Variants in AKAP6 observed in about 807,000 individuals in gnomAD.
AKAP6 encodes A-kinase anchoring protein 6.
In AKAP6, 58 loss-of-function variants were observed where a neutral mutation model predicts 188.5. The observed-to-expected ratio is 0.31, with a 90% CI of 0.25 to 0.38. The LOEUF (loss-of-function observed/expected upper bound fraction) is 0.38. AKAP6 is among the 10% of genes least tolerant of loss of function. The pLI, the probability that AKAP6 is intolerant of heterozygous loss-of-function variation, is 1.00. For missense variants in AKAP6, 2,710 were observed against 2,740.0 expected (o/e 0.99, Z 0.24); for synonymous variants, 989 against 998.6 (o/e 0.99, Z 0.18).
intron 1 of AKAP6, among the ~76,000 whole-genome samples, chr14:32,426,364 G>T (rs539780648): frequency 2.3e-4 from 35 of 151,932 alleles, no homozygotes; most frequent in Non-Finnish European, 4.7e-4. Context: ...TTTCCTTGAG[G>T]GTGAATATGA....
rs1032583521 is a variant in AKAP6 at position 32,545,403 on chromosome 14, C to G, written c.750C>G (p.Thr250=). ...LGDMTSSQVK[T]KPFDSWSYSE... ...ACATGACCTCTAGCCAAGTCAAAAC[C>G]AAACCCTTTGACTCTTGGAGCTACA... Residue 250 remains threonine (T), a synonymous_variant, in exon 4 of 14, where the codon ACC becomes ACG. Coordinates refer to ENST00000280979, the MANE Select transcript of AKAP6 (RefSeq NM_004274.5). 6.2e-7 allele frequency: 1 copy of G among 1,614,162 alleles called. No homozygotes were observed. The highest frequency in any genetic ancestry group is 8.5e-7 in the Non-Finnish European group (1 of 1,180,014).
intron 12 of AKAP6, among the ~76,000 whole-genome samples, chr14:32,815,318 C>T (rs1036368651): frequency 7.2e-5 from 11 of 152,094 alleles, no homozygotes; most frequent in Admixed American, 5.2e-4. Context: ...ACTTTCAAAG[C>T]GTTTTCTGAA....
At chr14:32,431,961 C>A (rs1381855580) in intron 1 of AKAP6, among the ~76,000 whole-genome samples, 1 of 152,070 alleles carries the variant, frequency 6.6e-6, no homozygotes, top group Non-Finnish European at 1.5e-5. Context: ...TTTTTTATTT[C>A]CACTCCTCAT....
chr14:32,489,190 A>C lies in AKAP6; in HGVS notation c.325-46364A>C, dbSNP rs114213678. ...TCTTCCTTTATTCCCAACAATATGT[A>C]TTCCCTTTTTCATGATTGATTGACT... On this transcript the variant is annotated intron_variant, in intron 2 of 13. Transcript: ENST00000280979. Among the ~76,000 whole-genome samples the C allele has an allele frequency of 3.7e-3, 570 of 152,258 alleles. 4 individuals are homozygous for C. Among genetic ancestry groups the C allele is most frequent in the African/African-American group, 0.013 (527 of 41,550 alleles).
rs2034577702 is a variant in AKAP6 at position 32,823,148 on chromosome 14, A to G, written c.5335A>G (p.Ile1779Val). The change falls in exon 13 of 14, where the codon ATT (isoleucine) becomes GTT (valine). Residue 1779 changes from isoleucine to valine, a missense_variant. Ile to Val is a conservative substitution (Grantham distance 29, BLOSUM62 3). This residue lies in a region of AKAP6 where 2,473 missense variants were observed against 2,426.1 expected (regional missense o/e 1.02). Coordinates refer to ENST00000280979, the MANE Select transcript of AKAP6 (RefSeq NM_004274.5). ...CAAAGATGAGGATGACGACTCCAGT[A>G]TTGCAACAGATGATGAAATTTATGA... Reference protein sequence around the residue: ...CIKDEDDDSSIATDDEIYEDC... With the variant: ...CIKDEDDDSSVATDDEIYEDC... 5.0e-6 allele frequency: 8 copies of G among 1,613,814 alleles called. No individual in the cohort carries two copies. Among genetic ancestry groups the G allele is most frequent in the Non-Finnish European group, 5.1e-6 (6 of 1,179,874 alleles).
intron 9 of AKAP6, among the ~76,000 whole-genome samples, chr14:32,701,586 T>C (rs765931618): frequency 1.1e-4 from 17 of 152,088 alleles, no homozygotes; most frequent in South Asian, 2.1e-4. Context: ...TTCTGAGGAA[T>C]AGGAAATATA....
intron 9 of AKAP6, among the ~76,000 whole-genome samples, chr14:32,725,480 T>C (rs2030825138): frequency 6.6e-6 from 1 of 152,214 alleles, no homozygotes; most frequent in Non-Finnish European, 1.5e-5. Context: ...ACTATCCTCC[T>C]TCATGTTGAG....
intron 2 of AKAP6, among the ~76,000 whole-genome samples, chr14:32,529,346 A>C (rs1217111184): frequency 6.6e-6 from 1 of 152,166 alleles, no homozygotes; most frequent in Non-Finnish European, 1.5e-5. Flanking sequence ...ATGATTGCTT[A>C]TTAGTCCCAG....
intron 3 of AKAP6, among the ~76,000 whole-genome samples, chr14:32,542,135 A>G (rs534081549): frequency 6.6e-6 from 1 of 152,242 alleles, no homozygotes; most frequent in South Asian, 2.1e-4. Flanking sequence ...TTTCCTTTTT[A>G]TAGATGAAGG....
intron 2 of AKAP6, among the ~76,000 whole-genome samples, chr14:32,441,455 C>G (rs1378654074): frequency 6.6e-6 from 1 of 151,970 alleles, no homozygotes. Flanking sequence ...GAATAATTAT[C>G]TCTCTCTCTC....
At chr14:32,616,172 A>G (rs1344302572) in intron 7 of AKAP6, among the ~76,000 whole-genome samples, 1 of 152,202 alleles carries the variant, frequency 6.6e-6, no homozygotes, top group Non-Finnish European at 1.5e-5. Context: ...AATTAGCTTG[A>G]TCATTGTGGA....
chr14:32,462,819 T>C (rs2138827503), intron 2 of AKAP6, among the ~76,000 whole-genome samples: 1 of 141,222 alleles, frequency 7.1e-6, no homozygotes, highest in Admixed American at 7.8e-5. Flanking sequence ...TGTGCTGCAT[T>C]CAAGAGACCC....
intron 2 of AKAP6, among the ~76,000 whole-genome samples, chr14:32,477,468 G>T (rs1282132683): frequency 6.6e-6 from 1 of 152,128 alleles, no homozygotes; most frequent in Non-Finnish European, 1.5e-5. Context: ...AGAAGCAACT[G>T]AAGAGGAAAG....
intron 2 of AKAP6, among the ~76,000 whole-genome samples, chr14:32,443,409 A>AC (rs1555328987): frequency 1.3e-5 from 2 of 149,726 alleles, no homozygotes; most frequent in African/African-American, 5.0e-5. Context: ...AAACAAAACA[A>AC]AAAAAAAACA....
chr14:32,708,702 T>G (rs1890915327), intron 9 of AKAP6, among the ~76,000 whole-genome samples: 1 of 152,046 alleles, frequency 6.6e-6, no homozygotes, highest in Admixed American at 6.6e-5. Context: ...TGTTACAAGA[T>G]GCATCATTTC....
chr14:32,476,974 C>G (rs1253698342), intron 2 of AKAP6, among the ~76,000 whole-genome samples: 1 of 152,140 alleles, frequency 6.6e-6, no homozygotes, highest in African/African-American at 2.4e-5. Flanking sequence ...TAGATAGATT[C>G]AAAGGTTTCC....
At chr14:32,417,705 T>C (rs1889706276) in intron 1 of AKAP6, 1 of 152,242 alleles carries the variant, frequency 6.6e-6, no homozygotes, top group Admixed American at 6.6e-5. Context: ...AGTTTTTCTT[T>C]AAAATTTTTA....
intron 1 of AKAP6, among the ~76,000 whole-genome samples, chr14:32,381,207 G>T (rs1888346896): frequency 6.6e-6 from 1 of 152,032 alleles, no homozygotes; most frequent in African/African-American, 2.4e-5. Flanking sequence ...GGGCCTGGTG[G>T]CACACGCGTG....
intron 11 of AKAP6, among the ~76,000 whole-genome samples, chr14:32,772,109 A>C (rs2032916790): frequency 6.6e-6 from 1 of 152,060 alleles, no homozygotes; most frequent in African/African-American, 2.4e-5. Flanking sequence ...AGAGAGAAAG[A>C]GAACATGCAC....
Sources: allele counts gnomAD v4.1 joint callset (sites outside exome capture counted in the v4.1 genomes callset), GRCh38; gene constraint gnomAD v4.1.1; regional missense constraint gnomAD v4.1.1; transcripts MANE v1.5; gene names NCBI Gene and HGNC (gene_info 2026-07-23, HGNC 2026-07-21).